PCDHA1: variants seen among roughly 807,000 people sequenced by gnomAD.
PCDHA1 encodes protocadherin alpha 1.
PCDHA1 carries 42 observed loss-of-function variants against 61.3 expected under a neutral mutation model. The ratio of observed to expected loss-of-function variants is 0.69; its 90% CI spans 0.54 to 0.89. The LOEUF (loss-of-function observed/expected upper bound fraction) is 0.89. Ranked by LOEUF, PCDHA1 falls within the 40% of genes least tolerant of loss-of-function variation. PCDHA1 has a pLI of 0.00. For synonymous variants in PCDHA1, 610 were observed against 553.8 expected (o/e 1.10, Z -1.43); for missense variants, 1,256 against 1,235.3 (o/e 1.02, Z -0.25).
chr5:141,008,985 A>C (rs566679512), intron 3 of PCDHA1, among the ~76,000 whole-genome samples: 1 of 152,240 alleles, frequency 6.6e-6, no homozygotes, highest in Non-Finnish European at 1.5e-5. Context: ...AGTTTAATCT[A>C]GACACTAAAA....
chr5:140,875,360 GA>G, intron 1 of PCDHA1: 1 of 1,447,846 alleles, frequency 6.9e-7, no homozygotes, highest in Non-Finnish European at 9.1e-7. Context: ...TGTGATGCTG[GA>G]AAAAATTTAC....
chr5:140,931,086 A>G (rs2087290662), intron 1 of PCDHA1, among the ~76,000 whole-genome samples: 1 of 152,204 alleles, frequency 6.6e-6, no homozygotes, highest in Non-Finnish European at 1.5e-5. Context: ...CCAGTTCTAC[A>G]GATGACAAAG....
intron 1 of PCDHA1, among the ~76,000 whole-genome samples, chr5:140,944,191 G>A (rs181232402): frequency 6.6e-6 from 1 of 151,980 alleles, no homozygotes. Flanking sequence ...GGTTTGTTTT[G>A]TTTTGTTTTG....
chr5:140,931,304 G>C (rs1218460625), intron 1 of PCDHA1, among the ~76,000 whole-genome samples: 1 of 152,056 alleles, frequency 6.6e-6, no homozygotes, highest in African/African-American at 2.4e-5. Context: ...CAAAAAGAGA[G>C]GAGAATACCA....
chr5:140,977,359 A>G (rs1335405602), intron 1 of PCDHA1, among the ~76,000 whole-genome samples: 6 of 152,212 alleles, frequency 3.9e-5, no homozygotes, highest in Non-Finnish European at 8.8e-5. Context: ...TGATTGATAA[A>G]AAGTATTTTA....
intron 1 of PCDHA1, chr5:140,968,266 G>A: frequency 6.2e-7 from 1 of 1,614,080 alleles, no homozygotes; most frequent in Non-Finnish European, 8.5e-7. Context: ...ATGAAAAGGA[G>A]AATGCAGAGG....
At chr5:140,843,243 A>T in intron 1 of PCDHA1, 1 of 1,595,128 alleles carries the variant, frequency 6.3e-7, no homozygotes, top group Non-Finnish European at 8.6e-7. Flanking sequence ...GACGAAGCGG[A>T]CTCTCCGCGC....
chr5:140,841,155 C>T (rs1777049079), intron 1 of PCDHA1: 1 of 842,000 alleles, frequency 1.2e-6, no homozygotes, highest in South Asian at 1.9e-5. Context: ...TCGCTGTCTA[C>T]CAAGAAGTTC....
chr5:140,823,050 C>A, intron 1 of PCDHA1: 2 of 1,614,184 alleles, frequency 1.2e-6, no homozygotes, highest in Non-Finnish European at 1.7e-6. Context: ...TGGTGGTGAC[C>A]GCGCGGGACG....
At chr5:140,856,650 G>T in intron 1 of PCDHA1, 1 of 1,598,142 alleles carries the variant, frequency 6.3e-7, no homozygotes, top group Admixed American at 1.7e-5. Context: ...CTGCTGGATC[G>T]TGAAGAAAAT....
At chr5:140,840,004 G>A (rs1554137669) in intron 1 of PCDHA1, among the ~76,000 whole-genome samples, 1 of 152,062 alleles carries the variant, frequency 6.6e-6, no homozygotes, top group Non-Finnish European at 1.5e-5. Flanking sequence ...TTAGCACTGA[G>A]AAGATTGGCT....
chr5:140,987,155 A>G (rs2097233368), intron 3 of PCDHA1, among the ~76,000 whole-genome samples: 1 of 151,902 alleles, frequency 6.6e-6, no homozygotes, highest in South Asian at 2.1e-4. Context: ...TGGAGGTTGC[A>G]GTGAGCTGAG....
intron 1 of PCDHA1, chr5:140,927,843 CTT>C (rs1563097902): frequency 4.3e-6 from 7 of 1,614,186 alleles, no homozygotes; most frequent in African/African-American, 2.7e-5. Flanking sequence ...ACGAAGGTGT[CTT>C]TGGTTTAGCT....
intron 1 of PCDHA1, chr5:140,928,017 C>T (rs782665827): frequency 1.2e-6 from 2 of 1,614,064 alleles, no homozygotes; most frequent in East Asian, 4.5e-5. Flanking sequence ...ATGGTAGGGT[C>T]ATTTGTGGCA....
At chr5:140,801,821 T>A (rs1562181721) in intron 1 of PCDHA1, 1 of 1,613,988 alleles carries the variant, frequency 6.2e-7, no homozygotes, top group Non-Finnish European at 8.5e-7. Context: ...CTCCTAAGCA[T>A]TATTTACTAA....
chr5:140,826,151 AT>A (rs1354366047), intron 1 of PCDHA1, among the ~76,000 whole-genome samples: 3 of 152,210 alleles, frequency 2.0e-5, no homozygotes, highest in African/African-American at 7.2e-5. Flanking sequence ...AGTCCTAGAA[AT>A]TGAGAAATAG....
Position 141,010,492 on chromosome 5 carries a change from C to T in PCDHA1, c.*555C>T. 8.0e-6 allele frequency: 5 copies of T among 628,626 alleles called. No homozygotes were observed. 38.9% of individuals were successfully genotyped at this position (628,626 alleles called of 1,614,324 possible). On this transcript the variant is annotated 3_prime_UTR_variant, in exon 4 of 4. Coordinates refer to ENST00000504120, the MANE Select transcript of PCDHA1 (RefSeq NM_018900.4). ...AGGGGAAGTGTAAACTTAAAGGGAC[C>T]AGACTTTCTAAATCTTACAACTCAA... is the stretch of plus-strand genomic sequence containing the variant.
intron 1 of PCDHA1, chr5:140,853,078 AC>A (rs1285082508): frequency 6.7e-6 from 2 of 297,432 alleles, no homozygotes; most frequent in African/African-American, 4.6e-5. Context: ...ATGGGGTTTC[AC>A]CGTGTTAGTC....
chr5:140,965,648 GA>G (rs2095919572), intron 1 of PCDHA1, among the ~76,000 whole-genome samples: 1 of 152,128 alleles, frequency 6.6e-6, no homozygotes, highest in Non-Finnish European at 1.5e-5. Context: ...ACTCTTGAAA[GA>G]AAATGTCTTG....
Sources: allele counts gnomAD v4.1 joint callset (sites outside exome capture counted in the v4.1 genomes callset), GRCh38; gene constraint gnomAD v4.1.1; transcripts MANE v1.5; gene names NCBI Gene and HGNC (gene_info 2026-07-23, HGNC 2026-07-21).